The following KDM5C variants were observed in gnomAD, a reference collection of about 807,000 sequenced individuals.
The protein encoded by KDM5C is lysine-specific demethylase 5C.
In KDM5C, 16 loss-of-function variants were observed where a neutral mutation model predicts 110.6. That is an observed-to-expected ratio of 0.14 (90% CI 0.10 to 0.22). The LOEUF is 0.22. Among genes scored for constraint, KDM5C ranks in the 10% least tolerant of loss-of-function variants. KDM5C has a pLI of 1.00. For synonymous variants in KDM5C, 511 were observed against 520.4 expected, an observed-to-expected ratio of 0.98 and a Z score of 0.24; for missense variants, 681 against 1,300.9, an observed-to-expected ratio of 0.52 and a Z score of 7.33.
Position 53,198,523 on chromosome X carries a change from C to T in KDM5C, c.2483G>A (p.Arg828Gln), listed in dbSNP as rs782645850. ...CLSEAEACVS[R>Q]ALGLVSGQEA... ...CTGGCCGCTGACCAGTCCCAGAGCTCGGGACACGCAAGCCTCTGCCTCACT... is the reference window on the plus strand; with the variant it reads ...CTGGCCGCTGACCAGTCCCAGAGCTTGGGACACGCAAGCCTCTGCCTCACT... The change falls in exon 17 of 26, where the codon CGA (arginine) becomes CAA (glutamine). Residue 828 changes from arginine (R) to glutamine (Q), a missense_variant. Physicochemically the swap from Arg to Gln is conservative, Grantham distance 43 (BLOSUM62 1). This residue lies in a region of KDM5C where 123 missense variants were observed against 169.0 expected (regional missense o/e 0.73). Coordinates refer to ENST00000375401, the MANE Select transcript of KDM5C (RefSeq NM_004187.5). The T allele has an allele frequency of 4.1e-6, 5 of 1,204,947 alleles. No homozygotes were observed. The highest frequency in any genetic ancestry group is 2.2e-5 in the Admixed American group (1 of 45,106).
At position 53,210,771 on chromosome X, in the gene KDM5C, G is replaced by A. The variant is rs782162403; in HGVS notation, c.1488C>T (p.Gly496=). ...CCACGTAGAGCCAGGGCACCTTCAT[G>A]CCAGAGATATCTGCATTGATGTGGC... ...VLCHINADIS[G]MKVPWLYVGM... is the part of the protein sequence containing the mutation. Residue 496 remains glycine, a synonymous_variant, in exon 11 of 26, where the codon GGC becomes GGT. Transcript: ENST00000375401. The A allele has an allele frequency of 2.5e-6, 3 of 1,209,585 alleles. No individual in the cohort carries two copies. The South Asian group carries it at 5.3e-5, about 21-fold the overall frequency.
At position 53,225,171 on chromosome X, in the gene KDM5C, G is replaced by A. The variant is rs782368649; in HGVS notation, c.-282C>T. Reference sequence around the variant, plus strand: ...CCACCACAGTTACCTCCCAAACGCCGCGGCCTTCAGCGCCGCCGCCGCCAT... The same window carrying A: ...CCACCACAGTTACCTCCCAAACGCCACGGCCTTCAGCGCCGCCGCCGCCAT... On this transcript the variant is annotated 5_prime_UTR_variant, in exon 1 of 26. Transcript: ENST00000375401. 2.1e-5 allele frequency: 7 copies of A among 341,341 alleles called. No homozygotes were observed. Among genetic ancestry groups the A allele is most frequent in the South Asian group, 8.3e-5 (1 of 12,116 alleles). The allele number at this position is 341,341 out of a possible 1,213,427, so 28.1% of individuals were successfully genotyped here.
chrX:53,193,539 C>T lies in KDM5C; in HGVS notation c.4215G>A (p.Glu1405=). ...CCAGGGTCACCTCGAGCAGGTCCCC[C>T]TCCATCATGAGCTCCTCCAAGGGGG... ...TRAPLEELMM[E]GDLLEVTLDE... Residue 1405 remains glutamate, a synonymous_variant, in exon 25 of 26, where the codon GAG becomes GAA. Coordinates refer to ENST00000375401, the MANE Select transcript of KDM5C (RefSeq NM_004187.5). 8.2e-7 allele frequency: 1 copy of T among 1,212,151 alleles called. No individual in the cohort carries two copies. The highest frequency in any genetic ancestry group is 1.1e-6 in the Non-Finnish European group (1 of 895,510).
At chrX:53,187,100 G>A (rs1556828370), downstream of KDM5C, among the ~76,000 whole-genome samples, 1 of 111,562 alleles carries the variant, frequency 9.0e-6, no homozygotes, top group East Asian at 2.8e-4. Context: ...GAACAAAATG[G>A]CCATGGTGGC....
chrX:53,177,189 G>A (rs1390730599), intron 25 of KDM5C, among the ~76,000 whole-genome samples: 2 of 110,976 alleles, frequency 1.8e-5, no homozygotes, highest in Non-Finnish European at 3.8e-5. Flanking sequence ...CTGTTCTAAA[G>A]CTTTTAAATA....
rs1556837246 is a variant in KDM5C at position 53,196,804 on chromosome X, C to T, written c.2863G>A (p.Val955Ile). 8.3e-7 allele frequency: 1 copy of T among 1,212,111 alleles called. No homozygotes were observed. Among genetic ancestry groups the T allele is most frequent in the Admixed American group, 2.2e-5 (1 of 46,136 alleles). Residue 955 changes from valine (V) to isoleucine (I), a missense_variant, in exon 19 of 26, where the codon GTC becomes ATC. Val to Ile is a conservative substitution (Grantham distance 29). Coordinates refer to ENST00000375401, the MANE Select transcript of KDM5C (RefSeq NM_004187.5). ...GTLAVMRGLLVAGASVAPSPA... is the reference protein window; with the variant it reads ...GTLAVMRGLLIAGASVAPSPA... ...CTAGGGGCTACACTGGCACCCGCGA[C>T]CAACAGTCCTCGCATGACAGCCAAG... is the stretch of plus-strand genomic sequence containing the variant.
Position 53,192,689 on chromosome X carries a change from G to A in KDM5C, c.*278C>T. ...ATGGCCCAGCCCCAGCCACCCCCCT[G>A]CCCACCAGCCCATCCATCTATCTGC... On this transcript the variant is annotated 3_prime_UTR_variant, in exon 26 of 26. Coordinates refer to ENST00000375401, the MANE Select transcript of KDM5C (RefSeq NM_004187.5). 1 of 1,108,759 alleles carries A rather than the reference G, an allele frequency of 9.0e-7. No individual in the cohort carries two copies. The highest frequency in any genetic ancestry group is 2.0e-5 in the South Asian group (1 of 50,875). 91.4% of individuals were successfully genotyped at this position (1,108,759 alleles called of 1,213,427 possible).
chrX:53,198,469 T>C, intron 17 of KDM5C, 21 bp downstream of exon 17: 1 of 1,194,568 alleles, frequency 8.4e-7, no homozygotes, highest in East Asian at 3.0e-5. Context: ...ATGTGTGCCC[T>C]AACTCCTCAC....
chrX:53,208,793 C>A (rs1266972534), intron 12 of KDM5C, among the ~76,000 whole-genome samples: 2 of 97,702 alleles, frequency 2.0e-5, no homozygotes. Flanking sequence ...GCATGAGCCA[C>A]CACACCCGGC....
At chrX:53,222,193 C>CG (rs1277962741) in intron 1 of KDM5C, among the ~76,000 whole-genome samples, 5 of 109,084 alleles carry the variant, frequency 4.6e-5, no homozygotes, top group South Asian at 4.0e-4. Flanking sequence ...TACACGTGGG[C>CG]GGGGGGGAGA....
At position 53,193,777 on chromosome X, in the gene KDM5C, C is replaced by T; in HGVS notation, c.4113G>A (p.Lys1371=). 8.3e-7 allele frequency: 1 copy of T among 1,209,276 alleles called. No individual in the cohort carries two copies. Among genetic ancestry groups the T allele is most frequent in the Non-Finnish European group, 1.1e-6 (1 of 893,085 alleles). Residue 1371 remains lysine (K), a synonymous_variant, in exon 24 of 26, where the codon AAG becomes AAA. Transcript: ENST00000375401. ...CCACACCACACCTAGACCTACCTCT[C>T]TTACCTGAGCCCTCCTCCGGGGCTA... is the stretch of plus-strand genomic sequence containing the variant. ...EKVAPEEGSG[K]RDLELLSSLL...
chrX:53,189,597 A>G (rs939565130), downstream of KDM5C, among the ~76,000 whole-genome samples: 2 of 112,145 alleles, frequency 1.8e-5, no homozygotes. Context: ...CCCTTCAAGG[A>G]CCCACTGACC....
Position 53,224,881 on chromosome X carries a change from C to G in KDM5C, c.9G>C (p.Pro3=), listed in dbSNP as rs782293784. 2.5e-6 allele frequency: 3 copies of G among 1,206,957 alleles called. No homozygotes were observed. In the East Asian group the frequency reaches 8.9e-5, roughly 36 times the overall value. Residue 3 remains proline (P), a synonymous_variant, in exon 1 of 26, where the codon CCG becomes CCC. Coordinates refer to ENST00000375401, the MANE Select transcript of KDM5C (RefSeq NM_004187.5). ...GTGGCGGTAGGAAATCGTCGGACCC[C>G]GGCTCCATGGTGGGCCCGAGGTCTG... ME[P]GSDDFLPPPE...
intron 7 of KDM5C, chrX:53,215,142 G>A (rs2146936450): frequency 2.2e-6 from 1 of 450,380 alleles, no homozygotes; most frequent in Non-Finnish European, 4.1e-6. Context: ...GTACTCTAGA[G>A]ACATGTGTTC....
chrX:53,217,301 G>A (rs2146947978), intron 4 of KDM5C, 24 bp from the exon 5 acceptor site: 1 of 1,209,227 alleles, frequency 8.3e-7, no homozygotes, highest in Non-Finnish European at 1.1e-6. Flanking sequence ...AGGGGTAAGG[G>A]TCAGGACATG....
chrX:53,184,206 C>T (rs782486735), intron 25 of KDM5C, among the ~76,000 whole-genome samples: 3 of 111,427 alleles, frequency 2.7e-5, no homozygotes, highest in East Asian at 2.8e-4. Flanking sequence ...GATCTTGCAC[C>T]TTGCAACTTT....
chrX:53,194,909 C>A (rs1556835314), intron 22 of KDM5C, 22 bp downstream of exon 22: 5 of 1,207,805 alleles, frequency 4.1e-6, no homozygotes, highest in Non-Finnish European at 4.5e-6. Context: ...CCCTTCTCCC[C>A]ATCTGTGTCG....
chrX:53,180,717 G>A (rs1299327986), intron 25 of KDM5C, among the ~76,000 whole-genome samples: 7 of 84,412 alleles, frequency 8.3e-5, no homozygotes, highest in Non-Finnish European at 1.1e-4. Context: ...CACCACACCC[G>A]GCTTTTTTTT....
chrX:53,182,081 T>C (rs1408412618), intron 25 of KDM5C, among the ~76,000 whole-genome samples: 1 of 102,263 alleles, frequency 9.8e-6, no homozygotes, highest in Non-Finnish European at 2.0e-5. Flanking sequence ...AGCCACCCTT[T>C]TTTGTTTTTT....
Sources: gnomAD v4.1 joint callset for allele counts (sites outside exome capture counted in the v4.1 genomes callset) on GRCh38, gnomAD v4.1.1 for gene constraint, gnomAD v4.1.1 regional missense constraint, MANE v1.5 for transcripts, NCBI Gene and HGNC (gene_info 2026-07-23, HGNC 2026-07-21) for gene names.